Variants in NCKAP5 observed in about 807,000 individuals in gnomAD.
NCKAP5 encodes NCK associated protein 5.
NCKAP5 carries 92 observed loss-of-function variants against 167.0 expected under a neutral mutation model. That is an observed-to-expected ratio of 0.55 (90% CI 0.47 to 0.66). NCKAP5 has a LOEUF of 0.66. NCKAP5 is among the 30% of genes least tolerant of loss of function. NCKAP5 has a pLI of 0.00. For synonymous variants in NCKAP5, 891 were observed against 877.4 expected (o/e 1.02, Z -0.27); for missense variants, 2,378 against 2,315.0 (o/e 1.03, Z -0.56).
chr2:133,370,855 C>A (rs996022925), intron 3 of NCKAP5, among the ~76,000 whole-genome samples: 2 of 151,828 alleles, frequency 1.3e-5, no homozygotes, highest in Non-Finnish European at 2.9e-5. Context: ...CCAGGGAGGG[C>A]CCTACTTAGA....
chr2:133,303,814 GA>G (rs1258754605), intron 3 of NCKAP5, among the ~76,000 whole-genome samples: 1 of 152,078 alleles, frequency 6.6e-6, no homozygotes, highest in Admixed American at 6.6e-5. Context: ...GAAGTAAGCA[GA>G]AAAATCCATA....
At chr2:132,950,565 C>T (rs1558980307) in intron 8 of NCKAP5, among the ~76,000 whole-genome samples, 1 of 152,114 alleles carries the variant, frequency 6.6e-6, no homozygotes, top group Non-Finnish European at 1.5e-5. Context: ...TACCCCGACA[C>T]CACTTTTGGG....
intron 19 of NCKAP5, among the ~76,000 whole-genome samples, chr2:132,674,358 T>C (rs1053230304): frequency 3.3e-5 from 5 of 152,212 alleles, no homozygotes; most frequent in Non-Finnish European, 7.4e-5. Flanking sequence ...GTGACAGAGA[T>C]ATTTGCCCAA....
At chr2:133,115,965 A>G (rs1006629982) in intron 6 of NCKAP5, among the ~76,000 whole-genome samples, 3 of 151,478 alleles carry the variant, frequency 2.0e-5, no homozygotes, top group African/African-American at 7.3e-5. Flanking sequence ...TATTTTTTGT[A>G]AAGTAGTGCT....
At chr2:133,567,739 T>G (rs1688670390) in intron 1 of NCKAP5, among the ~76,000 whole-genome samples, 1 of 144,856 alleles carries the variant, frequency 6.9e-6, no homozygotes, top group South Asian at 2.3e-4. Context: ...CGAGAGACCA[T>G]AAACATCAAC....
the NCKAP5 span, among the ~76,000 whole-genome samples, chr2:133,639,759 A>G: frequency 6.6e-6 from 1 of 152,186 alleles, no homozygotes; most frequent in African/African-American, 2.4e-5. Context: ...CCATCCAGGT[A>G]TATACACTTT....
intron 9 of NCKAP5, among the ~76,000 whole-genome samples, chr2:132,871,828 C>A (rs2320159): frequency 0.24 from 35,927 of 152,088 alleles, 4,530 homozygotes; most frequent in East Asian, 0.39. Context: ...TATAGACATG[C>A]TTTCCTCCAT....
chr2:133,202,765 T>C lies in NCKAP5; in HGVS notation c.207+10951A>G, dbSNP rs142392414. Among the ~76,000 whole-genome samples the C allele has an allele frequency of 7.6e-4, 115 of 152,306 alleles. 1 individual carries two copies. The highest frequency in any genetic ancestry group is 2.6e-3 in the African/African-American group (110 of 41,560). ...AACACTTCTCAAAAGAAGACATTTA[T>C]GCAGCCAACAGACACATGAAAAAAT... On this transcript the variant is annotated intron_variant, in intron 5 of 19. Coordinates refer to ENST00000409261, the MANE Select transcript of NCKAP5 (RefSeq NM_207363.3).
intron 6 of NCKAP5, among the ~76,000 whole-genome samples, chr2:133,103,661 C>G (rs553559547): frequency 2.6e-5 from 4 of 152,228 alleles, no homozygotes; most frequent in Admixed American, 2.0e-4. Flanking sequence ...GCGTGGTACT[C>G]CAGCTACTTG....
chr2:133,389,201 T>C (rs1297007984), intron 3 of NCKAP5, among the ~76,000 whole-genome samples: 1 of 152,258 alleles, frequency 6.6e-6, no homozygotes, highest in Non-Finnish European at 1.5e-5. Context: ...CTAGGATTTC[T>C]GAGGGAAAGT....
chr2:132,883,317 T>C (rs1269736343), intron 8 of NCKAP5, among the ~76,000 whole-genome samples: 2 of 152,088 alleles, frequency 1.3e-5, no homozygotes, highest in African/African-American at 4.8e-5. Context: ...TTTTTCCTGC[T>C]ATTTTATTAG....
At chr2:132,943,609 G>A (rs1204545063) in intron 8 of NCKAP5, among the ~76,000 whole-genome samples, 1 of 152,106 alleles carries the variant, frequency 6.6e-6, no homozygotes, top group African/African-American at 2.4e-5. Context: ...TGATGTTGCC[G>A]GTCATAAAGT....
chr2:133,200,057 CTTTCTTTTTTTTTTTTT>C (rs1369301928), intron 5 of NCKAP5, among the ~76,000 whole-genome samples: 2 of 64,736 alleles, frequency 3.1e-5, no homozygotes, highest in Non-Finnish European at 6.7e-5. Context: ...CTTTTTTTTT[CTTTCTTTTTTTTTTTTT>C]TTTTTGCAGA....
chr2:133,620,631 C>T, the NCKAP5 span, among the ~76,000 whole-genome samples: 1 of 152,044 alleles, frequency 6.6e-6, no homozygotes, highest in Non-Finnish European at 1.5e-5. Flanking sequence ...ACAATTACTA[C>T]TAGACCTAAG....
chr2:132,948,675 G>T (rs2076071974), intron 8 of NCKAP5, among the ~76,000 whole-genome samples: 1 of 152,108 alleles, frequency 6.6e-6, no homozygotes, highest in Admixed American at 6.6e-5. Flanking sequence ...TGCCAGAGAT[G>T]AAATGCACCA....
Position 132,796,719 on chromosome 2 carries a change from G to C in NCKAP5, c.818C>G (p.Ser273Ter). The C allele has an allele frequency of 6.2e-7, 1 of 1,610,396 alleles. No individual in the cohort carries two copies. The highest frequency in any genetic ancestry group is 8.5e-7 in the Non-Finnish European group (1 of 1,177,434). ...TCCAGATGAAAGATCCAAGAGACGT[G>C]AGTGAAGTTTCTAGGTAAAACCAAG... ...TSDLLLQKLH[S>*]RLLDLSSGDL... Residue 273 changes from serine to a stop codon, truncating the protein, a stop_gained, in exon 12 of 20, where the codon TCA becomes TGA. Coordinates refer to ENST00000409261, the MANE Select transcript of NCKAP5 (RefSeq NM_207363.3). LOFTEE classifies it high-confidence loss of function.
chr2:133,154,578 G>A (rs1454648688), intron 5 of NCKAP5, among the ~76,000 whole-genome samples: 1 of 152,144 alleles, frequency 6.6e-6, no homozygotes, highest in Non-Finnish European at 1.5e-5. Context: ...AACTTACCAT[G>A]GCAATAACAC....
At position 132,905,554 on chromosome 2, in the gene NCKAP5, T is replaced by G. The variant is rs79265622; in HGVS notation, c.580-26638A>C. On this transcript the variant is annotated intron_variant, in intron 8 of 19. Transcript: ENST00000409261. ...TCCAACCTTAAATTTTGGGAAAAAG[T>G]ATCAGCTTTGTAATATTTGGCCTGC... Among the ~76,000 whole-genome samples, 1,522 of 152,326 alleles carry G rather than the reference T, an allele frequency of 1.0e-2. 27 individuals carry two copies. The highest frequency in any genetic ancestry group is 0.035 in the African/African-American group (1,448 of 41,570).
chr2:133,323,281 A>C (rs986471965), intron 3 of NCKAP5, among the ~76,000 whole-genome samples: 1 of 149,994 alleles, frequency 6.7e-6, no homozygotes, highest in South Asian at 2.4e-4. Flanking sequence ...TGCAAAAATT[A>C]TTAACAGTGT....
Sources: gnomAD v4.1 joint callset for allele counts (sites outside exome capture counted in the v4.1 genomes callset) on GRCh38, gnomAD v4.1.1 for gene constraint, MANE v1.5 for transcripts, NCBI Gene and HGNC (gene_info 2026-07-23, HGNC 2026-07-21) for gene names.